The following PARD3B variants were observed in gnomAD, a reference collection of about 807,000 sequenced individuals.
The protein encoded by PARD3B is par-3 family cell polarity regulator beta, also known as partitioning defective 3 homolog B.
PARD3B carries 103 observed loss-of-function variants against 130.2 expected under a neutral mutation model. The ratio of observed to expected loss-of-function variants is 0.79; its 90% CI spans 0.67 to 0.93. The LOEUF is 0.93. Ranked by LOEUF, PARD3B falls within the 40% of genes least tolerant of loss-of-function variation. The pLI is 0.00. For missense variants in PARD3B, 1,609 were observed against 1,499.2 expected (o/e 1.07, Z -1.21); for synonymous variants, 583 against 553.2 (o/e 1.05, Z -0.76).
intron 18 of PARD3B, among the ~76,000 whole-genome samples, chr2:205,378,564 C>A (rs1266790022): frequency 6.6e-6 from 1 of 152,034 alleles, no homozygotes; most frequent in African/African-American, 2.4e-5. Context: ...CCAGGCACAG[C>A]TTCTCAGGAG....
At chr2:204,707,607 T>C (rs1367886871) in intron 2 of PARD3B, among the ~76,000 whole-genome samples, 2 of 152,188 alleles carry the variant, frequency 1.3e-5, no homozygotes, top group African/African-American at 2.4e-5. Flanking sequence ...AATAAATGAA[T>C]TATTGTGTGT....
At chr2:204,985,762 G>A (rs2125224584) in intron 3 of PARD3B, among the ~76,000 whole-genome samples, 1 of 152,222 alleles carries the variant, frequency 6.6e-6, no homozygotes, top group East Asian at 1.9e-4. Context: ...GGGGTGATGT[G>A]TACAGAATAG....
intron 14 of PARD3B, among the ~76,000 whole-genome samples, chr2:205,186,311 T>G (rs1415130390): frequency 6.6e-6 from 1 of 152,058 alleles, no homozygotes; most frequent in Non-Finnish European, 1.5e-5. Context: ...CCATATATAA[T>G]CTAAAATATT....
intron 2 of PARD3B, among the ~76,000 whole-genome samples, chr2:204,773,484 T>G (rs561940090): frequency 6.6e-6 from 1 of 152,134 alleles, no homozygotes; most frequent in Non-Finnish European, 1.5e-5. Context: ...TGCATTTCAA[T>G]GGGAATAGTC....
At chr2:205,214,032 T>C (rs922255871) in intron 15 of PARD3B, among the ~76,000 whole-genome samples, 2 of 152,148 alleles carry the variant, frequency 1.3e-5, no homozygotes, top group Non-Finnish European at 2.9e-5. Context: ...CTTCTGTTCA[T>C]TACAGGCATT....
chr2:204,591,847 C>A (rs1574511447), intron 1 of PARD3B, among the ~76,000 whole-genome samples: 2 of 152,116 alleles, frequency 1.3e-5, no homozygotes, highest in African/African-American at 4.8e-5. Context: ...TGCTGTTGTA[C>A]ACGATGAATT....
intron 3 of PARD3B, among the ~76,000 whole-genome samples, chr2:205,032,974 GT>G (rs1260438135): frequency 6.6e-6 from 1 of 152,200 alleles, no homozygotes; most frequent in Middle Eastern, 3.2e-3. Context: ...TGCAGTAATT[GT>G]TTGCAACTGC....
In PARD3B at chr2:205,197,705, T is replaced by A. The variant is rs112218033; in HGVS notation, c.2140+4385T>A. 8.0e-3 allele frequency among the ~76,000 whole-genome samples: 1,225 copies of A among 152,336 alleles called. 17 individuals are homozygous for A. The highest frequency in any genetic ancestry group is 0.014 in the African/African-American group (575 of 41,594). On this transcript the variant is annotated intron_variant, in intron 15 of 22. Transcript: ENST00000406610. The stretch of plus-strand genomic sequence containing the variant: ...ATGCTAATTCAAAGGGGTTAGGGTG[T>A]CACTTAAGAGACTGGAGAGTGGATA...
chr2:205,228,395 T>C (rs563527697), intron 15 of PARD3B, among the ~76,000 whole-genome samples: 2 of 152,292 alleles, frequency 1.3e-5, no homozygotes, highest in South Asian at 4.1e-4. Context: ...AAAAGCGTTC[T>C]TTTTTTCCTT....
At chr2:204,831,853 G>A (rs950275892) in intron 2 of PARD3B, among the ~76,000 whole-genome samples, 3 of 152,046 alleles carry the variant, frequency 2.0e-5, no homozygotes, top group African/African-American at 7.2e-5. Context: ...ACTGAACAGA[G>A]TTTGTGACAA....
At chr2:205,337,459 C>A (rs566911123) in intron 18 of PARD3B, among the ~76,000 whole-genome samples, 1 of 152,260 alleles carries the variant, frequency 6.6e-6, no homozygotes, top group Non-Finnish European at 1.5e-5. Context: ...GTTTTGGCAA[C>A]TGTTTTCATT....
intron 16 of PARD3B, among the ~76,000 whole-genome samples, chr2:205,259,184 T>A (rs892799467): frequency 6.6e-6 from 1 of 152,184 alleles, no homozygotes. Context: ...CTTCTCCAAG[T>A]ATTTACCAAT....
intron 2 of PARD3B, among the ~76,000 whole-genome samples, chr2:204,921,379 T>C (rs1205211075): frequency 6.6e-6 from 1 of 152,180 alleles, no homozygotes; most frequent in Non-Finnish European, 1.5e-5. Flanking sequence ...GTTTCTAATC[T>C]AGATGAGGTC....
At chr2:204,548,461 A>G (rs1000044784) in intron 1 of PARD3B, among the ~76,000 whole-genome samples, 1 of 152,228 alleles carries the variant, frequency 6.6e-6, no homozygotes, top group African/African-American at 2.4e-5. Context: ...GGGGAAAAAG[A>G]GACACAGAGA....
chr2:205,072,223 TTAAAA>T lies in PARD3B; in HGVS notation c.504+24537_504+24541del, dbSNP rs564526678. On this transcript the variant is annotated intron_variant, in intron 4 of 22. Transcript: ENST00000406610. ...ATAAACTTGTATTTGGACTTCATAA[TTAAAA>T]TAATTCAGGTCCTTTTTTTTTTTTT... is the stretch of plus-strand genomic sequence containing the variant. Among the ~76,000 whole-genome samples the T allele has an allele frequency of 5.5e-3, 814 of 148,932 alleles. 8 individuals carry two copies. The highest frequency in any genetic ancestry group is 0.019 in the African/African-American group (775 of 40,766).
At chr2:204,875,045 G>T (rs2045782633) in intron 2 of PARD3B, among the ~76,000 whole-genome samples, 1 of 152,106 alleles carries the variant, frequency 6.6e-6, no homozygotes, top group African/African-American at 2.4e-5. Flanking sequence ...TATCATTCAT[G>T]ATTTGATCTT....
At chr2:204,854,786 G>C (rs567930699) in intron 2 of PARD3B, among the ~76,000 whole-genome samples, 17 of 152,274 alleles carry the variant, frequency 1.1e-4, no homozygotes, top group African/African-American at 3.6e-4. Context: ...TTCTGAAGCA[G>C]CTGTGTTGTC....
intron 1 of PARD3B, among the ~76,000 whole-genome samples, chr2:204,662,479 A>G (rs1273407661): frequency 2.6e-5 from 4 of 152,184 alleles, no homozygotes; most frequent in Admixed American, 2.6e-4. Context: ...CATTCAAATA[A>G]AAAAATGGTG....
At chr2:205,531,075 C>T (rs1245168211) in intron 21 of PARD3B, among the ~76,000 whole-genome samples, 1 of 152,188 alleles carries the variant, frequency 6.6e-6, no homozygotes, top group African/African-American at 2.4e-5. Context: ...AGTGCATACT[C>T]TCTGCAAGAA....
Sources: gnomAD v4.1 joint callset for allele counts (sites outside exome capture counted in the v4.1 genomes callset) on GRCh38, gnomAD v4.1.1 for gene constraint, MANE v1.5 for transcripts, NCBI Gene and HGNC (gene_info 2026-07-23, HGNC 2026-07-21) for gene names.